Variants in PGPEP1L observed in about 807,000 individuals in gnomAD.
PGPEP1L encodes pyroglutamyl-peptidase 1-like protein.
A neutral mutation model predicts 6.0 loss-of-function variants in PGPEP1L; 7 were observed. The ratio of observed to expected loss-of-function variants is 1.17; its 90% CI spans 0.66 to 2.19. PGPEP1L has a LOEUF of 2.19. Ranked by LOEUF, PGPEP1L falls within the 30% of genes most tolerant of loss-of-function variation. The probability of loss-of-function intolerance (pLI) is 0.00; values close to 1 mark genes in which losing one functional copy is unlikely to be tolerated. For missense variants in PGPEP1L, 209 were observed against 192.5 expected (o/e 1.09, Z -0.51); for synonymous variants, 103 against 83.9 (o/e 1.23, Z -1.24).
chr15:99,005,653 G>A lies in PGPEP1L; in HGVS notation c.-366C>T, dbSNP rs541343909. 2 of 152,402 alleles carry A rather than the reference G, an allele frequency of 1.3e-5. No homozygotes were observed. The highest frequency in any genetic ancestry group is 2.4e-5 in the African/African-American group (1 of 41,598). 9.4% of individuals were successfully genotyped at this position (152,402 alleles called of 1,614,324 possible). A position where few individuals can be genotyped will look rare whatever the true frequency, so the allele number is the denominator to read the frequency against. ...AGCGTTCTGGGCCCCGAAAGGCCAA[G>A]GATCTAGGGGAGGGTGATAAAGCAA... is the stretch of plus-strand genomic sequence containing the variant. On this transcript the variant is annotated 5_prime_UTR_variant, in exon 2 of 5. Coordinates refer to ENST00000535714, the MANE Select transcript of PGPEP1L (RefSeq NM_001167902.2).
chr15:99,004,934 G>T (rs1555473438), intron 2 of PGPEP1L, among the ~76,000 whole-genome samples: 1 of 151,802 alleles, frequency 6.6e-6, no homozygotes, highest in East Asian at 1.9e-4. Context: ...CCTGAAAAAT[G>T]GAAGTTCTTA....
chr15:98,977,666 T>G (rs922174800), intron 2 of PGPEP1L, among the ~76,000 whole-genome samples: 1 of 152,054 alleles, frequency 6.6e-6, no homozygotes, highest in African/African-American at 2.4e-5. Flanking sequence ...CTGGGTGGAG[T>G]GTTCTACAAA....
At chr15:99,001,368 A>G (rs1722779260) in intron 2 of PGPEP1L, 1 of 191,098 alleles carries the variant, frequency 5.2e-6, no homozygotes, top group Non-Finnish European at 1.1e-5. Flanking sequence ...ATAGGGACAA[A>G]GTATATTAGT....
chr15:98,974,781 A>C (rs1488689777), intron 2 of PGPEP1L, among the ~76,000 whole-genome samples: 2 of 152,174 alleles, frequency 1.3e-5, no homozygotes, highest in African/African-American at 4.8e-5. Flanking sequence ...CTGTAGTCCC[A>C]GCTACTCAGG....
chr15:98,972,807 C>T (rs1455655973), intron 2 of PGPEP1L, among the ~76,000 whole-genome samples: 2 of 128,204 alleles, frequency 1.6e-5, no homozygotes, highest in East Asian at 5.2e-4. Context: ...GGAGGCGGAG[C>T]TTGCAGTGAG....
At chr15:99,001,744 G>C (rs2017974805) in intron 2 of PGPEP1L, among the ~76,000 whole-genome samples, 1 of 152,126 alleles carries the variant, frequency 6.6e-6, no homozygotes, top group African/African-American at 2.4e-5. Flanking sequence ...TTGAGACAGA[G>C]TCTCACCCTG....
chr15:98,992,399 G>A (rs745307224), intron 2 of PGPEP1L, among the ~76,000 whole-genome samples: 9 of 152,182 alleles, frequency 5.9e-5, no homozygotes, highest in South Asian at 2.1e-4. Flanking sequence ...CAAGGGATGT[G>A]AAGGACCTCT....
Position 98,971,213 on chromosome 15 carries a change from G to C in PGPEP1L, c.-141-55C>G, listed in dbSNP as rs538525820. 158 of 664,452 alleles carry C rather than the reference G, an allele frequency of 2.4e-4. 13 individuals are homozygous for C. Among genetic ancestry groups the C allele is most frequent in the South Asian group, 1.8e-3 (113 of 61,758 alleles). The allele number at this position is 664,452 out of a possible 1,614,324, so 41.2% of individuals were successfully genotyped here. A position where few individuals can be genotyped will look rare whatever the true frequency, so the allele number is the denominator to read the frequency against. ...AGTTGATGGGGGGGGGGGGGGGGTG[G>C]GCACCAAGAGTCCCTGAAAACCCAA... On this transcript the variant is annotated intron_variant, in intron 2 of 4. Transcript: ENST00000535714.
Position 98,968,649 on chromosome 15 carries a change from G to T in PGPEP1L, c.258C>A (p.Gly86=). Residue 86 remains glycine, a synonymous_variant, in exon 5 of 5, where the codon GGC becomes GGA. Coordinates refer to ENST00000535714, the MANE Select transcript of PGPEP1L (RefSeq NM_001167902.2). ...GAGGGACATGGATGAGTGCCGCGCA[G>T]CCCTTTCCATGATGCAGAGACAGGT... ...TYYLSLHHGK[G]CAALIHVPPL... 1 of 1,593,718 alleles carries T rather than the reference G, an allele frequency of 6.3e-7. No individual in the cohort carries two copies. Among genetic ancestry groups the T allele is most frequent in the Non-Finnish European group, 8.5e-7 (1 of 1,169,740 alleles).
intron 2 of PGPEP1L, among the ~76,000 whole-genome samples, chr15:99,002,894 C>T (rs573505413): frequency 6.6e-6 from 1 of 152,298 alleles, no homozygotes; most frequent in Non-Finnish European, 1.5e-5. Flanking sequence ...GAGGAAAGGG[C>T]TGTGACTAAA....
chr15:98,977,508 T>C (rs1241873843), intron 2 of PGPEP1L, among the ~76,000 whole-genome samples: 1 of 152,270 alleles, frequency 6.6e-6, no homozygotes, highest in Admixed American at 6.5e-5. Flanking sequence ...TGTCTGTTAT[T>C]GATTTCTAAT....
chr15:98,981,415 G>T (rs140666907), intron 2 of PGPEP1L, among the ~76,000 whole-genome samples: 7,513 of 151,308 alleles, frequency 0.05, 641 homozygotes, highest in African/African-American at 0.17. Context: ...GCGTGAACCC[G>T]GGAGGCAGAG....
At chr15:98,999,823 A>G (rs1196037060) in intron 2 of PGPEP1L, among the ~76,000 whole-genome samples, 12 of 152,272 alleles carry the variant, frequency 7.9e-5, no homozygotes, top group Non-Finnish European at 8.8e-5. Context: ...ACAATGAAAT[A>G]TTATTTGTCA....
chr15:98,999,905 G>A (rs1457602262), intron 2 of PGPEP1L, among the ~76,000 whole-genome samples: 6 of 152,262 alleles, frequency 3.9e-5, no homozygotes, highest in Admixed American at 3.3e-4. Flanking sequence ...TGCAGCCCTT[G>A]CGCACTCTCA....
At chr15:98,977,967 C>T (rs2017594270) in intron 2 of PGPEP1L, among the ~76,000 whole-genome samples, 1 of 152,148 alleles carries the variant, frequency 6.6e-6, no homozygotes, top group East Asian at 1.9e-4. Flanking sequence ...AGCTCTAGAA[C>T]ACAGCTCTCA....
At chr15:98,993,110 T>C (rs1262381931) in intron 2 of PGPEP1L, among the ~76,000 whole-genome samples, 4 of 152,032 alleles carry the variant, frequency 2.6e-5, no homozygotes, top group Non-Finnish European at 5.9e-5. Flanking sequence ...ACAAATGGGA[T>C]CTAATTAAAC....
At chr15:98,974,911 A>AACAACG (rs2017547117) in intron 2 of PGPEP1L, among the ~76,000 whole-genome samples, 1 of 152,302 alleles carries the variant, frequency 6.6e-6, no homozygotes, top group South Asian at 2.1e-4. Flanking sequence ...CAAAAACAAC[A>AACAACG]ACAACGACAA....
chr15:98,971,278 C>T, intron 2 of PGPEP1L, 120 bp from the exon 3 acceptor site: 11 of 1,333,944 alleles, frequency 8.2e-6, no homozygotes, highest in Non-Finnish European at 1.1e-5. Flanking sequence ...GCAGCCTGGA[C>T]TTTGCCCTCA....
intron 2 of PGPEP1L, among the ~76,000 whole-genome samples, chr15:98,995,541 T>G (rs1596525559): frequency 6.6e-6 from 1 of 152,142 alleles, no homozygotes; most frequent in Non-Finnish European, 1.5e-5. Context: ...CTACTAAAAA[T>G]ATAAAAATTA....
Sources: gnomAD v4.1 joint callset for allele counts (sites outside exome capture counted in the v4.1 genomes callset) on GRCh38, gnomAD v4.1.1 for gene constraint, MANE v1.5 for transcripts, NCBI Gene and HGNC (gene_info 2026-07-23, HGNC 2026-07-21) for gene names.